The following STARD13 variants were observed in gnomAD, a reference collection of about 807,000 sequenced individuals.
STARD13 encodes the protein StAR related lipid transfer domain containing 13.
In STARD13, 62 loss-of-function variants were observed where a neutral mutation model predicts 106.4. The observed-to-expected ratio is 0.58, with a 90% CI of 0.48 to 0.72. The LOEUF (loss-of-function observed/expected upper bound fraction) is 0.72. Ranked by LOEUF, STARD13 falls within the 30% of genes least tolerant of loss-of-function variation. The probability of loss-of-function intolerance (pLI) is 0.00; values close to 1 mark genes in which losing one functional copy is unlikely to be tolerated. For missense variants in STARD13, 1,387 were observed against 1,424.0 expected, an observed-to-expected ratio of 0.97 and a Z score of 0.42; for synonymous variants, 565 against 553.0, an observed-to-expected ratio of 1.02 and a Z score of -0.31.
chr13:33,578,835 A>G, the STARD13 span, among the ~76,000 whole-genome samples: 1 of 152,102 alleles, frequency 6.6e-6, no homozygotes, highest in Non-Finnish European at 1.5e-5. Context: ...AAAAGTGGGT[A>G]AATGACATGA....
At chr13:33,209,990 C>A (rs1417223652) in intron 1 of STARD13, among the ~76,000 whole-genome samples, 1 of 152,156 alleles carries the variant, frequency 6.6e-6, no homozygotes, top group Admixed American at 6.5e-5. Context: ...AACAAACAAA[C>A]AAAAAAACAG....
At chr13:33,343,240 A>G (rs2138599972) in intron 1 of STARD13, among the ~76,000 whole-genome samples, 1 of 151,964 alleles carries the variant, frequency 6.6e-6, no homozygotes, top group Non-Finnish European at 1.5e-5. Context: ...CCTAAAACTT[A>G]AAGTATAATA....
At position 33,262,662 on chromosome 13, in the gene STARD13, AACACAC is replaced by A. The variant is rs1555254805; in HGVS notation, c.169+22802_169+22807del. Among the ~76,000 whole-genome samples the A allele has an allele frequency of 4.2e-3, 482 of 114,984 alleles. 4 individuals carry two copies. Among genetic ancestry groups the A allele is most frequent in the African/African-American group, 0.015 (459 of 30,536 alleles). 75.4% of individuals were successfully genotyped at this position (114,984 alleles called of 152,430 possible). ...AACCCCCCCCCCCACACACACACAC[AACACAC>A]ACACACACACACACACACACACCCT... On this transcript the variant is annotated intron_variant, in intron 1 of 13. Transcript: ENST00000336934.
the STARD13 span, among the ~76,000 whole-genome samples, chr13:33,456,419 G>A: frequency 3.9e-5 from 6 of 152,154 alleles, no homozygotes; most frequent in Non-Finnish European, 8.8e-5. Context: ...CGAACTCCTG[G>A]CCTCAAGAGA....
intron 1 of STARD13, among the ~76,000 whole-genome samples, chr13:33,177,169 T>C (rs1962561354): frequency 6.6e-6 from 1 of 152,222 alleles, no homozygotes; most frequent in South Asian, 2.1e-4. Flanking sequence ...ATAAAGTCAG[T>C]ATGACGGTCT....
At chr13:33,615,591 C>A in the STARD13 span, among the ~76,000 whole-genome samples, 2 of 152,202 alleles carry the variant, frequency 1.3e-5, no homozygotes, top group South Asian at 2.1e-4. Context: ...AACACCCCAC[C>A]TGTTACCGAG....
chr13:33,575,587 A>G, the STARD13 span, among the ~76,000 whole-genome samples: 1 of 152,174 alleles, frequency 6.6e-6, no homozygotes. Context: ...CTGTCATTGC[A>G]GTAGTGAATG....
the STARD13 span, among the ~76,000 whole-genome samples, chr13:33,361,735 A>G: frequency 4.6e-5 from 7 of 152,154 alleles, no homozygotes; most frequent in African/African-American, 1.4e-4. Flanking sequence ...ATTGCTACAC[A>G]CTTTTAAACA....
chr13:33,644,015 G>T, the STARD13 span, among the ~76,000 whole-genome samples: 11 of 152,198 alleles, frequency 7.2e-5, no homozygotes, highest in Admixed American at 3.3e-4. Context: ...GTTAGCTTCA[G>T]TTTTGAGGAT....
At chr13:33,472,822 C>T in the STARD13 span, among the ~76,000 whole-genome samples, 1 of 152,186 alleles carries the variant, frequency 6.6e-6, no homozygotes, top group South Asian at 2.1e-4. Flanking sequence ...GGCCTGAGGT[C>T]CAATTTAGTC....
chr13:33,611,029 C>A, the STARD13 span: 2 of 152,226 alleles, frequency 1.3e-5, no homozygotes, highest in Non-Finnish European at 2.9e-5. Flanking sequence ...GGTGAGCTTT[C>A]GGTGAAACAG....
chr13:33,523,758 A>C, the STARD13 span, among the ~76,000 whole-genome samples: 17 of 152,268 alleles, frequency 1.1e-4, no homozygotes, highest in East Asian at 3.1e-3. Context: ...TGGTAGAACA[A>C]AGGCAATTTT....
chr13:33,364,926 A>G, the STARD13 span, among the ~76,000 whole-genome samples: 1 of 152,200 alleles, frequency 6.6e-6, no homozygotes, highest in South Asian at 2.1e-4. Flanking sequence ...TAGGGTATGC[A>G]TGAGAAAAGA....
chr13:33,237,660 C>T (rs77965165), intron 1 of STARD13, among the ~76,000 whole-genome samples: 2 of 152,048 alleles, frequency 1.3e-5, no homozygotes, highest in African/African-American at 4.8e-5. Flanking sequence ...CTTCCCATCT[C>T]CCCCCTCACC....
At chr13:33,452,557 T>C in the STARD13 span, among the ~76,000 whole-genome samples, 1 of 152,212 alleles carries the variant, frequency 6.6e-6, no homozygotes, top group Non-Finnish European at 1.5e-5. Flanking sequence ...AAGACATTAT[T>C]GTATATTAGA....
chr13:33,437,400 C>G, the STARD13 span, among the ~76,000 whole-genome samples: 1 of 152,094 alleles, frequency 6.6e-6, no homozygotes, highest in Admixed American at 6.5e-5. Context: ...TTGCTGATGC[C>G]CCTGGCCGAA....
intron 2 of STARD13, 99 bp downstream of exon 2, chr13:33,167,452 C>T (rs9568965): frequency 3.0e-5 from 38 of 1,274,776 alleles, no homozygotes; most frequent in African/African-American, 6.0e-5. Context: ...GCAAAATGGG[C>T]GAGAAAAAAA....
chr13:33,244,582 T>C (rs949103574), intron 1 of STARD13, among the ~76,000 whole-genome samples: 2 of 152,036 alleles, frequency 1.3e-5, no homozygotes, highest in African/African-American at 4.8e-5. Context: ...GCAGAAGTGA[T>C]GTGCAACTTA....
chr13:33,340,535 T>C (rs573613878), intron 1 of STARD13, among the ~76,000 whole-genome samples: 1 of 152,342 alleles, frequency 6.6e-6, no homozygotes, highest in Admixed American at 6.5e-5. Flanking sequence ...AGCAAATGTA[T>C]GAATTTTTAT....
Sources: allele counts gnomAD v4.1 joint callset (sites outside exome capture counted in the v4.1 genomes callset), GRCh38; gene constraint gnomAD v4.1.1; transcripts MANE v1.5; gene names NCBI Gene and HGNC (gene_info 2026-07-23, HGNC 2026-07-21).